The following HS3ST4 variants were observed in gnomAD, a reference collection of about 807,000 sequenced individuals.
The protein encoded by HS3ST4 is heparan sulfate glucosamine 3-O-sulfotransferase 4.
In HS3ST4, 17 loss-of-function variants were observed where a neutral mutation model predicts 29.2. The observed-to-expected ratio is 0.58, with a 90% confidence interval of 0.40 to 0.87. The LOEUF (loss-of-function observed/expected upper bound fraction) is 0.87, where lower values mean the gene tolerates loss of function less well. HS3ST4 is among the 40% of genes least tolerant of loss of function. The pLI, the probability that HS3ST4 is intolerant of heterozygous loss-of-function variation, is 0.00. For missense variants in HS3ST4, 627 were observed against 634.5 expected, an observed-to-expected ratio of 0.99 and a Z score of 0.13; for synonymous variants, 314 against 285.7, an observed-to-expected ratio of 1.10 and a Z score of -1.00.
At chr16:25,903,292 G>A (rs1968137222) in intron 1 of HS3ST4, among the ~76,000 whole-genome samples, 1 of 21,548 alleles carries the variant, frequency 4.6e-5, no homozygotes, top group Non-Finnish European at 1.0e-4. Context: ...GTGTGTGTGT[G>A]TGTGTGTGTG....
At chr16:26,018,494 C>T (rs1016350026) in intron 1 of HS3ST4, among the ~76,000 whole-genome samples, 6 of 152,222 alleles carry the variant, frequency 3.9e-5, no homozygotes, top group South Asian at 4.1e-4. Context: ...CTGGGGATAT[C>T]GTGATGAACC....
intron 1 of HS3ST4, among the ~76,000 whole-genome samples, chr16:25,719,097 G>A (rs1238920229): frequency 6.6e-6 from 1 of 152,202 alleles, no homozygotes; most frequent in Non-Finnish European, 1.5e-5. Flanking sequence ...TGGAGAAAGA[G>A]TTGACTTTTT....
At chr16:26,068,182 C>T (rs1330321692) in intron 1 of HS3ST4, among the ~76,000 whole-genome samples, 1 of 152,196 alleles carries the variant, frequency 6.6e-6, no homozygotes, top group Non-Finnish European at 1.5e-5. Flanking sequence ...TCCTCCTCCT[C>T]TTAATTCACA....
chr16:25,956,802 T>A (rs1968737784), intron 1 of HS3ST4, among the ~76,000 whole-genome samples: 1 of 151,822 alleles, frequency 6.6e-6, no homozygotes, highest in Non-Finnish European at 1.5e-5. Context: ...ATCAAGACCA[T>A]CCTGGCTAAC....
At chr16:25,896,645 CT>C (rs1968068851) in intron 1 of HS3ST4, among the ~76,000 whole-genome samples, 1 of 152,090 alleles carries the variant, frequency 6.6e-6, no homozygotes, top group Admixed American at 6.6e-5. Flanking sequence ...TACTGGGCAC[CT>C]GCCCAAAGGA....
intron 1 of HS3ST4, among the ~76,000 whole-genome samples, chr16:25,840,531 C>T (rs1356119134): frequency 6.6e-6 from 1 of 152,148 alleles, no homozygotes; most frequent in Non-Finnish European, 1.5e-5. Flanking sequence ...TGTTTCTATG[C>T]AAATAGTTCT....
chr16:25,696,173 T>C (rs1966294879), intron 1 of HS3ST4, among the ~76,000 whole-genome samples: 1 of 152,214 alleles, frequency 6.6e-6, no homozygotes, highest in African/African-American at 2.4e-5. Context: ...ACTTGGTGGA[T>C]TGACACAGGC....
intron 1 of HS3ST4, among the ~76,000 whole-genome samples, chr16:25,873,417 C>CCATTTGT (rs1555470002): frequency 0.39 from 40,083 of 102,502 alleles, 6,192 homozygotes; most frequent in East Asian, 0.59. Flanking sequence ...CATCCATCCA[C>CCATTTGT]CCATCCATCC....
chr16:25,785,554 G>A (rs1362818146), intron 1 of HS3ST4, among the ~76,000 whole-genome samples: 1 of 152,174 alleles, frequency 6.6e-6, no homozygotes, highest in Non-Finnish European at 1.5e-5. Context: ...TATTTCAATG[G>A]AGAGATAAGT....
chr16:26,082,509 C>G (rs1003641483), intron 1 of HS3ST4, among the ~76,000 whole-genome samples: 1 of 152,208 alleles, frequency 6.6e-6, no homozygotes, highest in Non-Finnish European at 1.5e-5. Context: ...CATTACCTAA[C>G]ATTTCTGCAC....
At chr16:25,832,325 T>C (rs374992050) in intron 1 of HS3ST4, among the ~76,000 whole-genome samples, 2 of 152,144 alleles carry the variant, frequency 1.3e-5, no homozygotes, top group African/African-American at 2.4e-5. Context: ...GAAACAAGAC[T>C]TGATGCCATG....
intron 1 of HS3ST4, among the ~76,000 whole-genome samples, chr16:26,026,855 C>T (rs781354842): frequency 1.4e-4 from 21 of 152,272 alleles, no homozygotes; most frequent in Non-Finnish European, 8.8e-5. Context: ...CAGGAACTTC[C>T]GCTGTGTAGG....
intron 1 of HS3ST4, among the ~76,000 whole-genome samples, chr16:26,085,847 C>G (rs1349780647): frequency 6.6e-6 from 1 of 151,488 alleles, no homozygotes; most frequent in Non-Finnish European, 1.5e-5. Flanking sequence ...AAACTCCAGT[C>G]TGGGTGACAG....
intron 1 of HS3ST4, among the ~76,000 whole-genome samples, chr16:25,777,953 A>G (rs956524778): frequency 6.6e-6 from 1 of 152,158 alleles, no homozygotes; most frequent in African/African-American, 2.4e-5. Context: ...ATAGATAGAC[A>G]CACATGGTGT....
At chr16:25,842,815 CTGTT>C (rs544862833) in intron 1 of HS3ST4, among the ~76,000 whole-genome samples, 28 of 152,300 alleles carry the variant, frequency 1.8e-4, no homozygotes, top group South Asian at 1.0e-3. Flanking sequence ...ACTGGCTCCA[CTGTT>C]TGCTAGCTGT....
chr16:25,873,475 T>C (rs899353459), intron 1 of HS3ST4, among the ~76,000 whole-genome samples: 7 of 38,126 alleles, frequency 1.8e-4, no homozygotes, highest in African/African-American at 3.5e-4. Flanking sequence ...CCCATCCATC[T>C]ATCTCTCTAT....
chr16:25,812,407 T>C (rs948840344), intron 1 of HS3ST4, among the ~76,000 whole-genome samples: 2 of 152,212 alleles, frequency 1.3e-5, no homozygotes, highest in Admixed American at 1.3e-4. Flanking sequence ...CAACTCTATC[T>C]TCTCTGCCGT....
intron 1 of HS3ST4, among the ~76,000 whole-genome samples, chr16:26,041,709 C>A (rs973667251): frequency 2.0e-5 from 3 of 152,154 alleles, no homozygotes; most frequent in Admixed American, 6.5e-5. Flanking sequence ...TTCAATAAAA[C>A]CTTATTCACA....
At chr16:26,030,277 G>A (rs950305894) in intron 1 of HS3ST4, among the ~76,000 whole-genome samples, 3 of 152,166 alleles carry the variant, frequency 2.0e-5, no homozygotes, top group African/African-American at 4.8e-5. Flanking sequence ...GTGTGGTGGT[G>A]CACACCTGTA....
Sources: allele counts gnomAD v4.1 joint callset (sites outside exome capture counted in the v4.1 genomes callset), GRCh38; gene constraint gnomAD v4.1.1; transcripts MANE v1.5; gene names NCBI Gene and HGNC (gene_info 2026-07-23, HGNC 2026-07-21).